FNIP1: variants seen among roughly 807,000 people sequenced by gnomAD.
FNIP1 encodes the protein folliculin-interacting protein 1.
Under a neutral mutation model 124.5 loss-of-function variants are expected in FNIP1, and 40 were observed. The ratio of observed to expected loss-of-function variants is 0.32; its 90% confidence interval spans 0.25 to 0.42. The LOEUF (loss-of-function observed/expected upper bound fraction) is 0.42. FNIP1 is among the 10% of genes least tolerant of loss of function. The probability of loss-of-function intolerance (pLI) is 1.00; values close to 1 mark genes in which losing one functional copy is unlikely to be tolerated. For synonymous variants in FNIP1, 472 were observed against 470.6 expected, an observed-to-expected ratio of 1.00 and a Z score of -0.04; for missense variants, 1,176 against 1,403.7, an observed-to-expected ratio of 0.84 and a Z score of 2.59.
At chr5:131,676,169 C>T (rs1269206381) in intron 13 of FNIP1, among the ~76,000 whole-genome samples, 2 of 152,076 alleles carry the variant, frequency 1.3e-5, no homozygotes, top group Non-Finnish European at 2.9e-5. Context: ...CCCACCACCA[C>T]GCCCAGCTAA....
At position 131,692,582 on chromosome 5, in the gene FNIP1, C is replaced by A. The variant is rs999049012; in HGVS notation, c.1202+6335G>T. Among the ~76,000 whole-genome samples the A allele has an allele frequency of 6.6e-5, 10 of 151,976 alleles. 1 individual carries two copies. Among genetic ancestry groups the A allele is most frequent in the Admixed American group, 4.6e-4 (7 of 15,244 alleles). Reference sequence around the variant, plus strand: ...AAAGTTTATATAGAAACAAAAAAGACCCAGAATAATCAACACAATACTTAA... The same window carrying A: ...AAAGTTTATATAGAAACAAAAAAGAACCAGAATAATCAACACAATACTTAA... On this transcript the variant is annotated intron_variant, in intron 11 of 17. Coordinates refer to ENST00000510461, the MANE Select transcript of FNIP1 (RefSeq NM_133372.3).
At chr5:131,719,216 T>A in intron 4 of FNIP1, 101 bp downstream of exon 4, 1 of 1,203,566 alleles carries the variant, frequency 8.3e-7, no homozygotes, top group East Asian at 2.5e-5. Context: ...AAATGGAGTA[T>A]GACAAGCTCA....
chr5:131,732,993 C>G (rs1770151232), intron 2 of FNIP1, among the ~76,000 whole-genome samples: 1 of 152,254 alleles, frequency 6.6e-6, no homozygotes, highest in South Asian at 2.1e-4. Context: ...TTTGTGTCCT[C>G]TTTTATTTCG....
intron 16 of FNIP1, among the ~76,000 whole-genome samples, chr5:131,651,106 A>T (rs1767025103): frequency 6.6e-6 from 1 of 152,038 alleles, no homozygotes. Flanking sequence ...AAACAGATAT[A>T]TAGCTGGGAA....
intron 6 of FNIP1, among the ~76,000 whole-genome samples, chr5:131,713,274 C>T (rs1769359520): frequency 6.6e-6 from 1 of 152,100 alleles, no homozygotes; most frequent in African/African-American, 2.4e-5. Context: ...TGTCAATCTC[C>T]CGGCCTCGTG....
intron 2 of FNIP1, among the ~76,000 whole-genome samples, chr5:131,733,827 G>A (rs1296654717): frequency 1.3e-5 from 2 of 152,142 alleles, no homozygotes; most frequent in Non-Finnish European, 2.9e-5. Context: ...TTGGTATCAG[G>A]ATGATGCTGG....
intron 3 of FNIP1, among the ~76,000 whole-genome samples, chr5:131,724,017 T>C (rs1423596376): frequency 2.0e-5 from 3 of 152,202 alleles, no homozygotes; most frequent in Non-Finnish European, 4.4e-5. Flanking sequence ...GCTTCATCCA[T>C]GTCCCTGCAA....
chr5:131,693,303 T>TATATACAC (rs1768550441), intron 11 of FNIP1, among the ~76,000 whole-genome samples: 1 of 29,208 alleles, frequency 3.4e-5, no homozygotes, highest in African/African-American at 9.2e-5. Context: ...TATACATATA[T>TATATACAC]ATATATATAT....
chr5:131,652,523 T>G lies in FNIP1; in HGVS notation c.3109-524A>C, dbSNP rs578206874. Among the ~76,000 whole-genome samples the G allele has an allele frequency of 6.6e-5, 10 of 152,232 alleles. No homozygotes were observed. In the East Asian group the frequency reaches 1.9e-3, roughly 29 times the overall value. ...GCACACGCCACCACGCCTGACTAAT[T>G]TTTTGTATTTTAGTAGAGATGGGGT... On this transcript the variant is annotated intron_variant, in intron 15 of 17. Coordinates refer to ENST00000510461, the MANE Select transcript of FNIP1 (RefSeq NM_133372.3).
chr5:131,656,018 G>A (rs1442605638), intron 15 of FNIP1, among the ~76,000 whole-genome samples: 3 of 152,038 alleles, frequency 2.0e-5, no homozygotes, highest in African/African-American at 7.2e-5. Context: ...GCTGCAGTGA[G>A]CTATGACTGC....
intron 2 of FNIP1, among the ~76,000 whole-genome samples, chr5:131,733,797 T>G (rs1770187851): frequency 6.6e-6 from 1 of 152,220 alleles, no homozygotes; most frequent in Admixed American, 6.5e-5. Context: ...TCTCTTTTTT[T>G]GTTGTGTCTC....
intron 1 of FNIP1, among the ~76,000 whole-genome samples, chr5:131,750,130 T>G (rs1009952740): frequency 1.3e-5 from 2 of 152,130 alleles, no homozygotes; most frequent in Non-Finnish European, 2.9e-5. Context: ...TGGATCAGAC[T>G]GTGCCAAGGT....
intron 13 of FNIP1, among the ~76,000 whole-genome samples, chr5:131,673,714 C>T (rs893220280): frequency 2.0e-5 from 3 of 152,272 alleles, no homozygotes; most frequent in African/African-American, 7.2e-5. Flanking sequence ...AGTCGTCACA[C>T]CACACACTTA....
In FNIP1 at chr5:131,777,395, T is replaced by C. The variant is rs898139052; in HGVS notation, c.92+19435A>G. ...AAATGCTGTTCCTACCAAAAGGAAC[T>C]GGAATCGCTGGGAAAAATGGTCCTG... On this transcript the variant is annotated intron_variant, in intron 1 of 17. Transcript: ENST00000510461. 2.6e-5 allele frequency among the ~76,000 whole-genome samples: 4 copies of C among 152,056 alleles called. No individual in the cohort carries two copies. In the South Asian group the frequency reaches 8.3e-4, roughly 32 times the overall value.
chr5:131,715,638 A>C (rs1332980714), intron 6 of FNIP1, among the ~76,000 whole-genome samples: 1 of 152,180 alleles, frequency 6.6e-6, no homozygotes, highest in Non-Finnish European at 1.5e-5. Flanking sequence ...TAATCAAACG[A>C]GTTAAGAAAA....
intron 1 of FNIP1, among the ~76,000 whole-genome samples, chr5:131,769,941 T>C (rs1771572382): frequency 6.6e-6 from 1 of 152,210 alleles, no homozygotes; most frequent in South Asian, 2.1e-4. Context: ...GTATGTATTT[T>C]TTAAGGATGC....
In FNIP1 at chr5:131,713,785, C is replaced by T. The variant is rs150517980; in HGVS notation, c.622+2780G>A. 3.3e-4 allele frequency among the ~76,000 whole-genome samples: 50 copies of T among 152,290 alleles called. No homozygotes were observed. The East Asian group carries it at 8.3e-3, about 25-fold the overall frequency. ...CTTCTATTTAATTAGCTAATCTGGT[C>T]CACTCTATGTCCCTTAGCGAATTTC... On this transcript the variant is annotated intron_variant, in intron 6 of 17. Coordinates refer to ENST00000510461, the MANE Select transcript of FNIP1 (RefSeq NM_133372.3).
intron 11 of FNIP1, among the ~76,000 whole-genome samples, chr5:131,683,038 C>T (rs928127305): frequency 1.3e-5 from 2 of 152,184 alleles, no homozygotes; most frequent in Non-Finnish European, 2.9e-5. Flanking sequence ...GGTTTCTGTA[C>T]ACATGTAAAT....
intron 1 of FNIP1, among the ~76,000 whole-genome samples, chr5:131,772,607 C>T (rs928113565): frequency 2.0e-5 from 3 of 152,250 alleles, no homozygotes; most frequent in Middle Eastern, 3.4e-3. Context: ...CTCCTGCATT[C>T]CTTACCTTAA....
Sources: allele counts gnomAD v4.1 joint callset (sites outside exome capture counted in the v4.1 genomes callset), GRCh38; gene constraint gnomAD v4.1.1; transcripts MANE v1.5; gene names NCBI Gene and HGNC (gene_info 2026-07-23, HGNC 2026-07-21).